The following LONP2 variants were observed in gnomAD, a reference collection of about 807,000 sequenced individuals.
The protein encoded by LONP2 is lon peptidase 2, peroxisomal.
Under a neutral mutation model 85.6 loss-of-function variants are expected in LONP2, and 60 were observed. The observed-to-expected ratio is 0.70, with a 90% CI of 0.57 to 0.87. LONP2 has a LOEUF of 0.87. Among genes scored for constraint, LONP2 ranks in the 40% least tolerant of loss-of-function variants. LONP2 has a pLI of 0.00. For missense variants in LONP2, 860 were observed against 1,063.5 expected, an observed-to-expected ratio of 0.81 and a Z score of 2.66; for synonymous variants, 395 against 389.7, an observed-to-expected ratio of 1.01 and a Z score of -0.16.
intron 8 of LONP2, among the ~76,000 whole-genome samples, chr16:48,281,900 G>C (rs554934097): frequency 6.6e-6 from 1 of 152,278 alleles, no homozygotes; most frequent in East Asian, 1.9e-4. Flanking sequence ...AGAAGAGAGG[G>C]ACTTAGACAT....
intron 12 of LONP2, among the ~76,000 whole-genome samples, chr16:48,335,609 A>C (rs1427701129): frequency 2.0e-5 from 3 of 152,262 alleles, no homozygotes; most frequent in Non-Finnish European, 4.4e-5. Context: ...TATTTTCAGA[A>C]AATAAATCTG....
intron 8 of LONP2, among the ~76,000 whole-genome samples, chr16:48,284,844 A>T (rs529541070): frequency 6.6e-6 from 1 of 152,340 alleles, no homozygotes; most frequent in Admixed American, 6.5e-5. Flanking sequence ...ATATGGAATA[A>T]TAAGGATCAA....
intron 11 of LONP2, among the ~76,000 whole-genome samples, chr16:48,329,018 C>G (rs1335848325): frequency 6.6e-6 from 1 of 152,086 alleles, no homozygotes; most frequent in Non-Finnish European, 1.5e-5. Context: ...TTCTAGGCCA[C>G]TAGGTGGTAA....
Position 48,256,654 on chromosome 16 carries a change from G to A in LONP2, c.513G>A (p.Leu171=). The A allele has an allele frequency of 1.2e-6, 2 of 1,613,734 alleles. No homozygotes were observed. Among genetic ancestry groups the A allele is most frequent in the Non-Finnish European group, 1.7e-6 (2 of 1,179,764 alleles). The change falls in exon 3 of 15, where the codon TTG becomes TTA. Residue 171 remains leucine (L), a synonymous_variant. Transcript: ENST00000285737. The stretch of plus-strand genomic sequence containing the variant: ...TGTCTGTCCCTGCAGTTGCTAAATT[G>A]AGACGTCTTTTAGATAGTCTTCCAA... ...LDMSVPAVAK[L]RRLLDSLPRE...
chr16:48,361,379 G>A, downstream of LONP2: 1 of 547,190 alleles, frequency 1.8e-6, no homozygotes, highest in Non-Finnish European at 3.2e-6. Flanking sequence ...TTTTTCAGTG[G>A]TTTACTGTTG....
rs1972074564 is a variant in LONP2, at chr16:48,270,206, T to G, written c.1173T>G (p.Thr391=). The part of the protein sequence containing the change: ...KTSVGRSVAK[T]LGREFHRIAL... ...GTGTGGGAAGATCAGTGGCCAAGAC[T>G]CTAGGTCGAGAGTTCCACAGGATTG... The change falls in exon 7 of 15, where the codon ACT becomes ACG. Residue 391 remains threonine (T), a synonymous_variant. Transcript: ENST00000285737. The G allele has an allele frequency of 4.3e-6, 7 of 1,614,016 alleles. No individual in the cohort carries two copies. The African/African-American group carries it at 8.0e-5, about 18-fold the overall frequency.
chr16:48,256,109 G>T (rs1186400032), intron 2 of LONP2, among the ~76,000 whole-genome samples: 1 of 152,136 alleles, frequency 6.6e-6, no homozygotes, highest in Non-Finnish European at 1.5e-5. Flanking sequence ...AAGAACAAGG[G>T]TCCTTAATCT....
chr16:48,303,812 G>T (rs145455246), intron 11 of LONP2, among the ~76,000 whole-genome samples: 1 of 152,254 alleles, frequency 6.6e-6, no homozygotes, highest in African/African-American at 2.4e-5. Context: ...GAAGAACTTC[G>T]AGTCCAATAT....
chr16:48,322,204 A>G (rs1339844174), intron 11 of LONP2, among the ~76,000 whole-genome samples: 1 of 152,212 alleles, frequency 6.6e-6, no homozygotes, highest in Non-Finnish European at 1.5e-5. Context: ...TTGGAACACT[A>G]AGCTTGTGGG....
At chr16:48,289,347 G>A (rs554932262) in intron 8 of LONP2, among the ~76,000 whole-genome samples, 1 of 152,292 alleles carries the variant, frequency 6.6e-6, no homozygotes, top group African/African-American at 2.4e-5. Flanking sequence ...GTGAACATTG[G>A]TTTGGTCTGG....
In LONP2 at chr16:48,299,768, C is replaced by T. The variant is rs371446139; in HGVS notation, c.1641C>T (p.Thr547=). Residue 547 remains threonine (T), a synonymous_variant, in exon 10 of 15, where the codon ACC becomes ACT. Coordinates refer to ENST00000285737, the MANE Select transcript of LONP2 (RefSeq NM_031490.5). ...AGCAGATTCAGATACCCCAGGTCAC[C>T]ACTCTTGACATCATCACCAGGTTAG... ...TPQQIQIPQV[T]TLDIITRYTR... is the part of the protein sequence containing the mutation. The T allele has an allele frequency of 8.1e-6, 13 of 1,611,078 alleles. No homozygotes were observed. The African/African-American group carries it at 1.3e-4, about 17-fold the overall frequency.
At position 48,263,177 on chromosome 16, in the gene LONP2, T is replaced by C. The variant is rs574830432; in HGVS notation, c.982+305T>C. On this transcript the variant is annotated intron_variant, in intron 6 of 14. Transcript: ENST00000285737. ...TCTTTTGTGATTATTATTATCATCA[T>C]TATTATTGGCTTTTTTCTTTTGGTG... 2.0e-5 allele frequency among the ~76,000 whole-genome samples: 3 copies of C among 152,310 alleles called. No individual in the cohort carries two copies. In the East Asian group the frequency reaches 5.8e-4, roughly 29 times the overall value.
intron 11 of LONP2, among the ~76,000 whole-genome samples, chr16:48,328,506 C>G (rs938918599): frequency 1.3e-5 from 2 of 151,830 alleles, no homozygotes; most frequent in Non-Finnish European, 2.9e-5. Context: ...GGTGAAACCC[C>G]GTCTCTACTA....
chr16:48,301,536 G>GAGGC, intron 10 of LONP2, among the ~76,000 whole-genome samples: 1 of 152,072 alleles, frequency 6.6e-6, no homozygotes, highest in Middle Eastern at 3.4e-3. Context: ...TCGGGAGGCT[G>GAGGC]AGGCAGGGGA....
intron 11 of LONP2, among the ~76,000 whole-genome samples, chr16:48,315,295 T>G (rs1973118488): frequency 6.6e-6 from 1 of 152,206 alleles, no homozygotes. Flanking sequence ...ATTTTACTTG[T>G]TTATTCAACC....
At chr16:48,259,963 G>A (rs886278278) in intron 4 of LONP2, among the ~76,000 whole-genome samples, 1 of 152,128 alleles carries the variant, frequency 6.6e-6, no homozygotes, top group Non-Finnish European at 1.5e-5. Flanking sequence ...TAAAAAGTAG[G>A]AATTAGGATA....
chr16:48,296,722 CAAAAAAAAAAA>C (rs911933648), intron 9 of LONP2, among the ~76,000 whole-genome samples: 1 of 58,854 alleles, frequency 1.7e-5, no homozygotes, highest in Non-Finnish European at 3.8e-5. Context: ...AACTCCATTT[CAAAAAAAAAAA>C]AAAAAAAAGA....
rs16946113 is a variant in LONP2 at position 48,341,942 on chromosome 16, G to A, written c.1939-5565G>A. Among the ~76,000 whole-genome samples the A allele has an allele frequency of 5.5e-3, 839 of 152,262 alleles. 6 individuals are homozygous for A. The highest frequency in any genetic ancestry group is 0.019 in the African/African-American group (789 of 41,550). On this transcript the variant is annotated intron_variant, in intron 12 of 14. Coordinates refer to ENST00000285737, the MANE Select transcript of LONP2 (RefSeq NM_031490.5). ...CTAGGCACCTCCTCAGTCACTGGCT[G>A]TGCCCTTTCACTCTGTCACTGGGAG...
At chr16:48,298,794 T>G (rs898641755) in intron 9 of LONP2, among the ~76,000 whole-genome samples, 1 of 152,214 alleles carries the variant, frequency 6.6e-6, no homozygotes, top group Admixed American at 6.5e-5. Flanking sequence ...TTGGGAAATA[T>G]ATCATTTAAT....
Sources: gnomAD v4.1 joint callset for allele counts (sites outside exome capture counted in the v4.1 genomes callset) on GRCh38, gnomAD v4.1.1 for gene constraint, MANE v1.5 for transcripts, NCBI Gene and HGNC (gene_info 2026-07-23, HGNC 2026-07-21) for gene names.